The following LRP6 variants were observed in gnomAD, a reference collection of about 807,000 sequenced individuals.
The protein encoded by LRP6 is low-density lipoprotein receptor-related protein 6.
Under a neutral mutation model 184.1 loss-of-function variants are expected in LRP6, and 43 were observed. That is an observed-to-expected ratio of 0.23 (90% CI 0.18 to 0.30). LRP6 has a LOEUF of 0.30. Ranked by LOEUF, LRP6 falls within the 10% of genes least tolerant of loss-of-function variation. The probability of loss-of-function intolerance (pLI) is 1.00; values close to 1 mark genes in which losing one functional copy is unlikely to be tolerated. For synonymous variants in LRP6, 719 were observed against 684.9 expected (o/e 1.05, Z -0.78); for missense variants, 1,571 against 2,005.3 (o/e 0.78, Z 4.14).
chr12:12,226,054 GAAGAGA>G (rs1188734950), intron 2 of LRP6, among the ~76,000 whole-genome samples: 4 of 152,142 alleles, frequency 2.6e-5, no homozygotes, highest in African/African-American at 9.7e-5. Flanking sequence ...CTACACAGAA[GAAGAGA>G]AATACTTAAC....
Position 12,120,038 on chromosome 12 carries a change from T to TATATAA in LRP6, c.*1082_*1087dup, listed in dbSNP as rs1309613426. The stretch of plus-strand genomic sequence containing the variant: ...ATATATATATATATATATATATATA[T>TATATAA]ATATAAATGATTTCGTACTGTGATA... On this transcript the variant is annotated 3_prime_UTR_variant, in exon 23 of 23. Coordinates refer to ENST00000261349, the MANE Select transcript of LRP6 (RefSeq NM_002336.3). 1 of 114,782 alleles carries TATATAA rather than the reference T, an allele frequency of 8.7e-6. No homozygotes were observed. The highest frequency in any genetic ancestry group is 3.3e-5 in the African/African-American group (1 of 30,126). The allele number at this position is 114,782 out of a possible 1,614,324, so 7.1% of individuals were successfully genotyped here.
Position 12,251,347 on chromosome 12 carries a change from C to G in LRP6, c.56-6692G>C, listed in dbSNP as rs1319587955. ...CTCTGTTAAAATGACGGATTTTCTTCAGTTATTAGTTTGTCTTTTTGATTT... is the reference window on the plus strand; with the variant it reads ...CTCTGTTAAAATGACGGATTTTCTTGAGTTATTAGTTTGTCTTTTTGATTT... On this transcript the variant is annotated intron_variant, in intron 1 of 22. Coordinates refer to ENST00000261349, the MANE Select transcript of LRP6 (RefSeq NM_002336.3). Among the ~76,000 whole-genome samples the G allele has an allele frequency of 2.6e-5, 4 of 151,908 alleles. No homozygotes were observed. In the East Asian group the frequency reaches 7.8e-4, roughly 30 times the overall value.
chr12:12,157,860 T>C (rs535078556), intron 12 of LRP6, among the ~76,000 whole-genome samples: 1 of 152,198 alleles, frequency 6.6e-6, no homozygotes, highest in African/African-American at 2.4e-5. Context: ...TGGGCCTTCA[T>C]ATATATTTAA....
intron 1 of LRP6, among the ~76,000 whole-genome samples, chr12:12,257,317 G>A (rs1409837228): frequency 3.0e-4 from 46 of 152,212 alleles, no homozygotes; most frequent in Non-Finnish European, 2.8e-4. Flanking sequence ...GGTGGCTCAC[G>A]CCTGTAATCC....
intron 1 of LRP6, among the ~76,000 whole-genome samples, chr12:12,253,420 TTTTTC>T (rs1865375351): frequency 6.6e-6 from 1 of 152,186 alleles, no homozygotes; most frequent in South Asian, 2.1e-4. Flanking sequence ...TCTTTCACTT[TTTTTC>T]TTTTTTTTTA....
chr12:12,159,146 C>T lies in LRP6; in HGVS notation c.2474G>A (p.Arg825His), dbSNP rs1182239992. The T allele has an allele frequency of 3.7e-6, 6 of 1,613,388 alleles. No individual in the cohort carries two copies. In the African/African-American group the frequency reaches 5.4e-5, roughly 14 times the overall value. ...AGGCAAGTCATCTGCTATAACTTCA[C>T]GGTTGAGCCCTATTTTCAGAAAGGC... ...IESSNMLGLN[R>H]EVIADDLPHP... Residue 825 changes from arginine to histidine, a missense_variant, in exon 12 of 23, where the codon CGT (arginine) becomes CAT (histidine). Around this residue, in one of 4 missense-constraint regions of LRP6, gnomAD observed 158 missense variants for 258.4 expected, o/e 0.61. Coordinates refer to ENST00000261349, the MANE Select transcript of LRP6 (RefSeq NM_002336.3).
At chr12:12,231,992 C>T (rs1864802159) in intron 2 of LRP6, among the ~76,000 whole-genome samples, 1 of 148,762 alleles carries the variant, frequency 6.7e-6, no homozygotes, top group African/African-American at 2.5e-5. Context: ...AAGCGAGACC[C>T]TGCCTCAAAA....
At chr12:12,167,996 C>G (rs562084496) in intron 7 of LRP6, among the ~76,000 whole-genome samples, 1 of 152,228 alleles carries the variant, frequency 6.6e-6, no homozygotes, top group African/African-American at 2.4e-5. Context: ...TTTCCTACTC[C>G]CATTTTTATT....
chr12:12,222,168 C>T (rs1165864644), intron 2 of LRP6, among the ~76,000 whole-genome samples: 3 of 152,166 alleles, frequency 2.0e-5, no homozygotes, highest in African/African-American at 4.8e-5. Context: ...AGTAAAAATA[C>T]ACACATCTGT....
At chr12:12,233,661 T>G (rs1032840147) in intron 2 of LRP6, among the ~76,000 whole-genome samples, 1 of 152,162 alleles carries the variant, frequency 6.6e-6, no homozygotes, top group African/African-American at 2.4e-5. Flanking sequence ...AACAACCAAC[T>G]ATAAAGCAAC....
intron 3 of LRP6, among the ~76,000 whole-genome samples, chr12:12,201,524 T>TA (rs1346139993): frequency 6.6e-6 from 1 of 152,174 alleles, no homozygotes; most frequent in African/African-American, 2.4e-5. Context: ...GACACCCTGT[T>TA]AAATCTCCCT....
At chr12:12,240,537 A>G (rs972435710) in intron 2 of LRP6, among the ~76,000 whole-genome samples, 2 of 152,158 alleles carry the variant, frequency 1.3e-5, no homozygotes, top group Non-Finnish European at 2.9e-5. Context: ...GCGCCACTGC[A>G]CTCCAGCCTG....
At chr12:12,209,080 C>T (rs922044889) in intron 2 of LRP6, among the ~76,000 whole-genome samples, 18 of 152,142 alleles carry the variant, frequency 1.2e-4, no homozygotes, top group African/African-American at 3.9e-4. Context: ...TACTCTGCGC[C>T]GTGTGTGCAA....
chr12:12,224,064 A>T (rs1458871080), intron 2 of LRP6, among the ~76,000 whole-genome samples: 1 of 152,204 alleles, frequency 6.6e-6, no homozygotes, highest in African/African-American at 2.4e-5. Context: ...AAAATTAATT[A>T]GATCAACAGT....
chr12:12,210,544 T>A (rs1864182328), intron 2 of LRP6, among the ~76,000 whole-genome samples: 1 of 152,300 alleles, frequency 6.6e-6, no homozygotes, highest in Non-Finnish European at 1.5e-5. Context: ...GTCAAAGAAG[T>A]TGGTCTACAG....
At chr12:12,257,192 C>A (rs1030359408) in intron 1 of LRP6, among the ~76,000 whole-genome samples, 1 of 152,056 alleles carries the variant, frequency 6.6e-6, no homozygotes, top group African/African-American at 2.4e-5. Flanking sequence ...GTTTTACAAC[C>A]CTGTGAGTAT....
chr12:12,121,288 C>G lies in LRP6; in HGVS notation c.4680G>C (p.Leu1560Phe). 1.2e-6 allele frequency: 2 copies of G among 1,614,090 alleles called. No individual in the cohort carries two copies. The highest frequency in any genetic ancestry group is 1.7e-6 in the Non-Finnish European group (2 of 1,180,028). ...VATAKGYTSD[L>F]NYDSEPVPPP... ...GGGGCACAGGTTCTGAATCATAGTT[C>G]AAGTCACTGGTATAGCCCTTGGCTG... is the stretch of plus-strand genomic sequence containing the variant. The change falls in exon 23 of 23, where the codon TTG becomes TTC. Residue 1560 changes from leucine (L) to phenylalanine (F), a missense_variant. Coordinates refer to ENST00000261349, the MANE Select transcript of LRP6 (RefSeq NM_002336.3).
rs150628129 is a variant in LRP6 at position 12,176,473 on chromosome 12, G to A, written c.1545+3337C>T. Among the ~76,000 whole-genome samples, 552 of 152,202 alleles carry A rather than the reference G, an allele frequency of 3.6e-3. 4 individuals are homozygous for A. The highest frequency in any genetic ancestry group is 5.8e-3 in the Admixed American group (88 of 15,288). ...TGTGACATCATTAGCAATGCCCTAC[G>A]CTCAATCCCTCCTTCCCGAAGCTTA... On this transcript the variant is annotated intron_variant, in intron 7 of 22. Coordinates refer to ENST00000261349, the MANE Select transcript of LRP6 (RefSeq NM_002336.3).
chr12:12,260,500 T>A (rs1207720721), intron 1 of LRP6, among the ~76,000 whole-genome samples: 1 of 152,072 alleles, frequency 6.6e-6, no homozygotes, highest in Non-Finnish European at 1.5e-5. Context: ...TCAAAAAAAA[T>A]TCCAAAACCA....
Sources: allele counts gnomAD v4.1 joint callset (sites outside exome capture counted in the v4.1 genomes callset), GRCh38; gene constraint gnomAD v4.1.1; regional missense constraint gnomAD v4.1.1; transcripts MANE v1.5; gene names NCBI Gene and HGNC (gene_info 2026-07-23, HGNC 2026-07-21).